The following ATRNL1 variants were observed in gnomAD, a reference collection of about 807,000 sequenced individuals.
ATRNL1 encodes the protein attractin-like protein 1.
ATRNL1 carries 95 observed loss-of-function variants against 182.7 expected under a neutral mutation model. That is an observed-to-expected ratio of 0.52 (90% confidence interval 0.44 to 0.62). ATRNL1 has a LOEUF of 0.62. Among genes scored for constraint, ATRNL1 ranks in the 20% least tolerant of loss-of-function variants. ATRNL1 has a pLI of 0.00. For missense variants in ATRNL1, 1,471 were observed against 1,679.5 expected (o/e 0.88, Z 2.17); for synonymous variants, 576 against 568.3 (o/e 1.01, Z -0.19).
rs558845148 is a variant in ATRNL1 at position 115,332,568 on chromosome 10, A to C, written c.3038-1714A>C. Among the ~76,000 whole-genome samples, 4 of 152,320 alleles carry C rather than the reference A, an allele frequency of 2.6e-5. No homozygotes were observed. The East Asian group carries it at 7.7e-4, about 29-fold the overall frequency. ...TGTTTCATAATGTAATATGGAGTTT[A>C]AAAACATTATAATTATTCTCAATTT... On this transcript the variant is annotated intron_variant, in intron 18 of 28. Coordinates refer to ENST00000355044, the MANE Select transcript of ATRNL1 (RefSeq NM_207303.4).
At chr10:115,499,347 T>G (rs1317915848) in intron 24 of ATRNL1, among the ~76,000 whole-genome samples, 1 of 152,222 alleles carries the variant, frequency 6.6e-6, no homozygotes, top group African/African-American at 2.4e-5. Context: ...ATGCTTGTTT[T>G]CTAGTACAGC....
intron 26 of ATRNL1, among the ~76,000 whole-genome samples, chr10:115,624,657 A>G (rs564210497): frequency 6.6e-5 from 10 of 152,264 alleles, no homozygotes; most frequent in African/African-American, 2.4e-4. Context: ...AGTGTTTGCA[A>G]CACAGAAATC....
intron 28 of ATRNL1, among the ~76,000 whole-genome samples, chr10:115,877,138 C>T (rs946814794): frequency 7.2e-5 from 11 of 152,060 alleles, no homozygotes; most frequent in African/African-American, 2.4e-4. Context: ...CTTAGAAGCA[C>T]GAGAACAAAA....
chr10:115,578,650 G>T, intron 26 of ATRNL1, among the ~76,000 whole-genome samples: 1 of 150,460 alleles, frequency 6.6e-6, no homozygotes, highest in South Asian at 2.1e-4. Context: ...TCTAGCTAAG[G>T]GTTTATTGGT....
intron 26 of ATRNL1, among the ~76,000 whole-genome samples, chr10:115,679,786 A>C (rs1050647242): frequency 6.6e-6 from 1 of 152,122 alleles, no homozygotes; most frequent in Non-Finnish European, 1.5e-5. Flanking sequence ...GGCCTTTAGT[A>C]GTTAGCTTTT....
intron 26 of ATRNL1, among the ~76,000 whole-genome samples, chr10:115,564,988 A>G (rs1431059798): frequency 6.6e-6 from 1 of 152,036 alleles, no homozygotes; most frequent in African/African-American, 2.4e-5. Flanking sequence ...TTTTCATTAT[A>G]GTCACATTTT....
At chr10:115,151,537 T>C (rs1846228735) in intron 5 of ATRNL1, among the ~76,000 whole-genome samples, 1 of 152,240 alleles carries the variant, frequency 6.6e-6, no homozygotes, top group South Asian at 2.1e-4. Context: ...GAAGTGTCTG[T>C]TCATATCCTT....
chr10:115,103,828 G>A (rs886161113), intron 1 of ATRNL1, among the ~76,000 whole-genome samples: 9 of 152,162 alleles, frequency 5.9e-5, no homozygotes, highest in African/African-American at 1.9e-4. Context: ...TTCATGTAAT[G>A]TAATGACGTC....
intron 24 of ATRNL1, among the ~76,000 whole-genome samples, chr10:115,518,829 A>G (rs1316007941): frequency 4.6e-5 from 7 of 151,884 alleles, no homozygotes; most frequent in African/African-American, 1.7e-4. Context: ...CAAGTTTTAA[A>G]ATGATGTGAC....
At chr10:115,921,508 A>G (rs1555118748) in intron 28 of ATRNL1, among the ~76,000 whole-genome samples, 1 of 117,234 alleles carries the variant, frequency 8.5e-6, no homozygotes, top group Non-Finnish European at 1.9e-5. Context: ...TCCAGTTACA[A>G]TAACTGTTAA....
At chr10:115,195,520 CT>C (rs2144264146) in intron 8 of ATRNL1, among the ~76,000 whole-genome samples, 1 of 152,080 alleles carries the variant, frequency 6.6e-6, no homozygotes, top group Admixed American at 6.6e-5. Flanking sequence ...TTCTCTGCTG[CT>C]TTTGGATCTG....
chr10:115,408,695 G>A, intron 20 of ATRNL1, among the ~76,000 whole-genome samples: 1 of 149,666 alleles, frequency 6.7e-6, no homozygotes, highest in Non-Finnish European at 1.5e-5. Context: ...TAGTTTTATT[G>A]TTTCTGGCCT....
At chr10:115,866,075 A>C (rs534324179) in intron 28 of ATRNL1, among the ~76,000 whole-genome samples, 3 of 152,284 alleles carry the variant, frequency 2.0e-5, no homozygotes, top group African/African-American at 7.2e-5. Flanking sequence ...AAAGTTAATA[A>C]AATTTTAAAA....
intron 27 of ATRNL1, among the ~76,000 whole-genome samples, chr10:115,805,538 G>A (rs1225712414): frequency 2.0e-5 from 3 of 152,078 alleles, no homozygotes; most frequent in African/African-American, 4.8e-5. Context: ...CTCCATGACA[G>A]CATCACCTAC....
intron 19 of ATRNL1, among the ~76,000 whole-genome samples, chr10:115,352,420 A>G (rs1856302854): frequency 6.6e-6 from 1 of 151,500 alleles, no homozygotes; most frequent in African/African-American, 2.4e-5. Flanking sequence ...ATCTTTTTTG[A>G]TGTAGGCAAC....
chr10:115,298,110 G>T (rs1273863248), intron 15 of ATRNL1, among the ~76,000 whole-genome samples: 1 of 152,104 alleles, frequency 6.6e-6, no homozygotes, highest in South Asian at 2.1e-4. Flanking sequence ...TCTGCAAGGT[G>T]ACATTCAATT....
At chr10:115,703,620 G>T (rs1241857116) in intron 26 of ATRNL1, among the ~76,000 whole-genome samples, 3 of 151,550 alleles carry the variant, frequency 2.0e-5, no homozygotes, top group Admixed American at 6.6e-5. Context: ...ATTATCTTAT[G>T]TTTTTAATTT....
At chr10:115,581,819 G>A (rs1441745314) in intron 26 of ATRNL1, among the ~76,000 whole-genome samples, 2 of 150,836 alleles carry the variant, frequency 1.3e-5, no homozygotes, top group Non-Finnish European at 3.0e-5. Flanking sequence ...ATGTATACAT[G>A]TGCCATGCTG....
intron 26 of ATRNL1, among the ~76,000 whole-genome samples, chr10:115,653,810 C>T (rs1459226345): frequency 6.6e-6 from 1 of 152,180 alleles, no homozygotes; most frequent in Admixed American, 6.6e-5. Flanking sequence ...CTGCACAGTG[C>T]CCTGGCTCAT....
Sources: allele counts gnomAD v4.1 joint callset (sites outside exome capture counted in the v4.1 genomes callset), GRCh38; gene constraint gnomAD v4.1.1; transcripts MANE v1.5; gene names NCBI Gene and HGNC (gene_info 2026-07-23, HGNC 2026-07-21).